FSHR: variants seen among roughly 807,000 people sequenced by gnomAD.
FSHR encodes the protein follicle-stimulating hormone receptor.
FSHR carries 46 observed loss-of-function variants against 52.1 expected under a neutral mutation model. The ratio of observed to expected loss-of-function variants is 0.88; its 90% CI spans 0.70 to 1.13. The LOEUF (loss-of-function observed/expected upper bound fraction) is 1.13, where lower values mean the gene tolerates loss of function less well. Ranked by LOEUF, FSHR falls within the 50% of genes most tolerant of loss-of-function variation. The probability of loss-of-function intolerance (pLI) is 0.00; values close to 1 mark genes in which losing one functional copy is unlikely to be tolerated. For missense variants in FSHR, 964 were observed against 834.6 expected (o/e 1.16, Z -1.91); for synonymous variants, 399 against 309.6 (o/e 1.29, Z -3.03).
chr2:49,028,789 A>C (rs1667997855), intron 2 of FSHR, among the ~76,000 whole-genome samples: 1 of 152,184 alleles, frequency 6.6e-6, no homozygotes, highest in Non-Finnish European at 1.5e-5. Flanking sequence ...ACAACCTTGA[A>C]GGCCACAGTT....
rs1670495798 is a variant in FSHR, at chr2:49,088,882, C to G, written c.153-20592G>C. 2.6e-5 allele frequency among the ~76,000 whole-genome samples: 4 copies of G among 152,256 alleles called. No homozygotes were observed. In the South Asian group the frequency reaches 8.3e-4, roughly 32 times the overall value. On this transcript the variant is annotated intron_variant, in intron 1 of 9. Coordinates refer to ENST00000406846, the MANE Select transcript of FSHR (RefSeq NM_000145.4). The stretch of plus-strand genomic sequence containing the variant: ...TAGGTCTTTCATAATGCACTTAAAA[C>G]TAATTTCTGTATTCTATTTAAAAGT...
At chr2:49,026,245 T>C (rs560867608) in intron 2 of FSHR, among the ~76,000 whole-genome samples, 1 of 152,366 alleles carries the variant, frequency 6.6e-6, no homozygotes, top group East Asian at 1.9e-4. Flanking sequence ...ATTGTGTTCA[T>C]TTTTAGGTTT....
chr2:49,015,691 A>G (rs1024943219), intron 4 of FSHR, among the ~76,000 whole-genome samples: 7 of 152,156 alleles, frequency 4.6e-5, no homozygotes, highest in Non-Finnish European at 1.0e-4. Context: ...TTCCATCCCT[A>G]AGGAACATGA....
intron 8 of FSHR, among the ~76,000 whole-genome samples, chr2:48,975,861 T>C (rs1199445390): frequency 6.6e-6 from 1 of 152,248 alleles, no homozygotes; most frequent in African/African-American, 2.4e-5. Context: ...TTGCTGAAGT[T>C]GCTTATCAGC....
intron 1 of FSHR, among the ~76,000 whole-genome samples, chr2:49,144,659 A>G (rs1672807002): frequency 6.6e-6 from 1 of 151,958 alleles, no homozygotes; most frequent in Non-Finnish European, 1.5e-5. Flanking sequence ...ACTTAGAGAA[A>G]TGCTGCACTG....
At chr2:48,994,168 C>A (rs1675914690) in intron 4 of FSHR, among the ~76,000 whole-genome samples, 1 of 152,106 alleles carries the variant, frequency 6.6e-6, no homozygotes, top group African/African-American at 2.4e-5. Flanking sequence ...GATGAACTCA[C>A]AAGGAATTAT....
chr2:49,105,281 G>A (rs185327664), intron 1 of FSHR, among the ~76,000 whole-genome samples: 14 of 152,084 alleles, frequency 9.2e-5, no homozygotes, highest in African/African-American at 3.1e-4. Context: ...TGCTTGGGGA[G>A]TGCTGCTTGC....
chr2:49,138,449 C>A (rs1224439797), intron 1 of FSHR, among the ~76,000 whole-genome samples: 1 of 152,090 alleles, frequency 6.6e-6, no homozygotes, highest in African/African-American at 2.4e-5. Context: ...GTGAAAACAA[C>A]CCAAATGTCC....
chr2:49,142,492 A>G (rs1322121009), intron 1 of FSHR, among the ~76,000 whole-genome samples: 1 of 152,226 alleles, frequency 6.6e-6, no homozygotes, highest in Non-Finnish European at 1.5e-5. Flanking sequence ...GGCAAAGCAC[A>G]TTAGCTCCAC....
chr2:49,116,260 A>C (rs2103766627), intron 1 of FSHR, among the ~76,000 whole-genome samples: 1 of 152,304 alleles, frequency 6.6e-6, no homozygotes, highest in Non-Finnish European at 1.5e-5. Flanking sequence ...GTTTTAAGCA[A>C]GGGACTAAAG....
chr2:49,010,662 C>G (rs1166862794), intron 4 of FSHR, among the ~76,000 whole-genome samples: 2 of 149,642 alleles, frequency 1.3e-5, no homozygotes, highest in African/African-American at 5.0e-5. Flanking sequence ...TGGTCCTGGA[C>G]TCTTTTTGGT....
At chr2:49,023,505 A>G (rs1467145671) in intron 2 of FSHR, among the ~76,000 whole-genome samples, 1 of 152,210 alleles carries the variant, frequency 6.6e-6, no homozygotes, top group African/African-American at 2.4e-5. Context: ...AGCCCAGCCT[A>G]GCTTGTCTAT....
intron 9 of FSHR, among the ~76,000 whole-genome samples, chr2:48,966,200 G>A (rs1030990797): frequency 1.3e-5 from 2 of 152,192 alleles, no homozygotes; most frequent in Admixed American, 6.5e-5. Flanking sequence ...CTTGGCAAAT[G>A]TCAGCAGTAT....
intron 6 of FSHR, among the ~76,000 whole-genome samples, chr2:48,987,870 A>ACACACACACACC (rs1491035556): frequency 7.7e-6 from 1 of 129,320 alleles, no homozygotes; most frequent in African/African-American, 2.7e-5. Flanking sequence ...ACACACACAC[A>ACACACACACACC]CCCCTTCACT....
intron 1 of FSHR, among the ~76,000 whole-genome samples, chr2:49,143,789 T>G (rs556476799): frequency 6.6e-6 from 1 of 152,260 alleles, no homozygotes; most frequent in African/African-American, 2.4e-5. Flanking sequence ...CATTAAAGTT[T>G]GAGAAGTGTT....
At chr2:49,128,678 CT>C (rs35670931) in intron 1 of FSHR, among the ~76,000 whole-genome samples, 48,628 of 147,920 alleles carry the variant, frequency 0.33, 8,003 homozygotes, top group East Asian at 0.49. Context: ...GTTGAATAGT[CT>C]TTTTTTTTTT....
chr2:49,020,034 A>G, intron 3 of FSHR, 52 bp downstream of exon 3: 1 of 1,458,846 alleles, frequency 6.9e-7, no homozygotes, highest in Non-Finnish European at 9.6e-7. Context: ...GAAGAACTTT[A>G]AGGGTTTTTT....
At position 49,099,830 on chromosome 2, in the gene FSHR, C is replaced by T. The variant is rs550123724; in HGVS notation, c.153-31540G>A. 3.3e-5 allele frequency among the ~76,000 whole-genome samples: 5 copies of T among 152,222 alleles called. No individual in the cohort carries two copies. In the South Asian group the frequency reaches 1.0e-3, roughly 32 times the overall value. On this transcript the variant is annotated intron_variant, in intron 1 of 9. Transcript: ENST00000406846. ...AACCGTCAGGAGGAATCTATGCTAA[C>T]CCTAAGTTTAGCGTTCTAACCTCCA...
intron 2 of FSHR, among the ~76,000 whole-genome samples, chr2:49,033,450 A>G (rs1572659467): frequency 6.6e-6 from 1 of 152,350 alleles, no homozygotes; most frequent in Non-Finnish European, 1.5e-5. Context: ...GTAAGGGGGA[A>G]AATCACCAAT....
Sources: allele counts gnomAD v4.1 joint callset (sites outside exome capture counted in the v4.1 genomes callset), GRCh38; gene constraint gnomAD v4.1.1; transcripts MANE v1.5; gene names NCBI Gene and HGNC (gene_info 2026-07-23, HGNC 2026-07-21).